SYCP1: variants seen among roughly 807,000 people sequenced by gnomAD.
SYCP1 encodes the protein cancer/testis antigen 8.
In SYCP1, 64 loss-of-function variants were observed where a neutral mutation model predicts 153.1. The observed-to-expected ratio is 0.42, with a 90% CI of 0.34 to 0.51. SYCP1 has a LOEUF of 0.51. Among genes scored for constraint, SYCP1 ranks in the 20% least tolerant of loss-of-function variants. The pLI, the probability that SYCP1 is intolerant of heterozygous loss-of-function variation, is 0.06. For synonymous variants in SYCP1, 384 were observed against 341.8 expected (o/e 1.12, Z -1.36); for missense variants, 997 against 1,049.0 (o/e 0.95, Z 0.68).
chr1:114,910,367 C>T, intron 16 of SYCP1, 30 bp from the exon 17 acceptor site: 2 of 1,464,262 alleles, frequency 1.4e-6, no homozygotes, highest in East Asian at 2.3e-5. Context: ...TATGGTTTGG[C>T]ATTCCTGATT....
At chr1:114,992,297 A>G (rs1673977221) in intron 30 of SYCP1, among the ~76,000 whole-genome samples, 2 of 151,734 alleles carry the variant, frequency 1.3e-5, no homozygotes, top group East Asian at 3.9e-4. Flanking sequence ...TGGAAAAAAT[A>G]CTCAAATTAA....
chr1:114,927,904 T>C (rs1470582523), intron 23 of SYCP1, among the ~76,000 whole-genome samples: 1 of 152,150 alleles, frequency 6.6e-6, no homozygotes. Flanking sequence ...CACCGCAGCC[T>C]CGATCTCCTG....
Position 114,926,583 on chromosome 1 carries a change from T to A in SYCP1, c.1926+20T>A, listed in dbSNP as rs1669263094. The stretch of plus-strand genomic sequence containing the variant: ...ATAAAGGTATTTGGCATCTTTATTT[T>A]TGTTTTTTAAATACTAATAGATAGA... On this transcript the variant is annotated intron_variant, in intron 23 of 31. Transcript: ENST00000369522. 6.4e-7 allele frequency: 1 copy of A among 1,574,420 alleles called. No homozygotes were observed. The highest frequency in any genetic ancestry group is 1.4e-5 in the African/African-American group (1 of 72,472).
intron 27 of SYCP1, among the ~76,000 whole-genome samples, chr1:114,961,725 T>A (rs777223644): frequency 2.0e-5 from 3 of 152,166 alleles, no homozygotes; most frequent in Admixed American, 6.5e-5. Flanking sequence ...AATTTCGATG[T>A]TCTTAATTCA....
At chr1:114,894,102 A>G (rs942747630) in intron 15 of SYCP1, among the ~76,000 whole-genome samples, 6 of 151,940 alleles carry the variant, frequency 3.9e-5, no homozygotes, top group African/African-American at 1.4e-4. Context: ...GTGAGAGAAC[A>G]TATAGAGACA....
chr1:114,904,242 G>A (rs1005680591), intron 16 of SYCP1, among the ~76,000 whole-genome samples: 6 of 151,264 alleles, frequency 4.0e-5, no homozygotes, highest in East Asian at 2.0e-4. Flanking sequence ...TCAGCCTCCC[G>A]AGTAGCTGGG....
intron 8 of SYCP1, chr1:114,862,896 T>G (rs1570651210): frequency 6.6e-6 from 1 of 152,310 alleles, no homozygotes; most frequent in Middle Eastern, 3.4e-3. Flanking sequence ...TATTCATTCA[T>G]TCAATATTTT....
rs191543853 is a variant in SYCP1, at chr1:114,908,708, C to T, written c.1321-1689C>T. 3.1e-3 allele frequency among the ~76,000 whole-genome samples: 475 copies of T among 152,080 alleles called. 1 individual carries two copies. The highest frequency in any genetic ancestry group is 9.8e-3 in the Admixed American group (150 of 15,276). ...ATTTGTTCTTATTTTCTATTTCTTT[C>T]CTTAGATTTTCTATCTTTTTATTCA... On this transcript the variant is annotated intron_variant, in intron 16 of 31. Transcript: ENST00000369522.
At chr1:114,878,013 TA>T in intron 11 of SYCP1, 80 bp from the exon 12 acceptor site, 2 of 830,286 alleles carry the variant, frequency 2.4e-6, no homozygotes, top group Non-Finnish European at 3.7e-6. Context: ...GACAAGTACA[TA>T]AAATAATTGT....
rs1674179128 is a variant in SYCP1 at position 114,994,941 on chromosome 1, G to T, written c.2853G>T (p.Met951Ile). 6.2e-7 allele frequency: 1 copy of T among 1,609,586 alleles called. No individual in the cohort carries two copies. Among genetic ancestry groups the T allele is most frequent in the Non-Finnish European group, 8.5e-7 (1 of 1,177,350 alleles). The change falls in exon 32 of 32, where the codon ATG (methionine) becomes ATT (isoleucine). Residue 951 changes from methionine to isoleucine, a missense_variant. Physicochemically the swap from Met to Ile is conservative, Grantham distance 10 (BLOSUM62 1). Coordinates refer to ENST00000369522, the MANE Select transcript of SYCP1 (RefSeq NM_003176.4). ...STLKFGAIRK[M>I]REDRWAVIAK... Reference sequence around the variant, plus strand: ...TGAAGTTTGGAGCTATAAGAAAAATGCGGGAGGACCGTTGGGCTGTAATTG... The same window carrying T: ...TGAAGTTTGGAGCTATAAGAAAAATTCGGGAGGACCGTTGGGCTGTAATTG...
chr1:114,995,007 G>A lies in SYCP1; in HGVS notation c.2919G>A (p.Lys973=). 2 of 1,598,028 alleles carry A rather than the reference G, an allele frequency of 1.3e-6. No individual in the cohort carries two copies. Among genetic ancestry groups the A allele is most frequent in the Non-Finnish European group, 1.7e-6 (2 of 1,173,592 alleles). Reference sequence around the variant, plus strand: ...AAAAAAAACTAAAAGAAGCTGAAAAGTTATTTGTTTAATTTCAGAGAATCA... The same window carrying A: ...AAAAAAAACTAAAAGAAGCTGAAAAATTATTTGTTTAATTTCAGAGAATCA... ...DRKKKLKEAE[K]LFV Residue 973 remains lysine (K), a synonymous_variant, in exon 32 of 32, where the codon AAG becomes AAA. Transcript: ENST00000369522.
At chr1:114,857,168 A>G (rs1485756922) in intron 3 of SYCP1, 64 bp from the exon 4 acceptor site, 10 of 789,488 alleles carry the variant, frequency 1.3e-5, no homozygotes, top group East Asian at 3.9e-5. Flanking sequence ...GAGAAAAAAG[A>G]AAAAAAAAAA....
intron 12 of SYCP1, among the ~76,000 whole-genome samples, chr1:114,878,424 G>A (rs1307129473): frequency 6.6e-6 from 1 of 151,900 alleles, no homozygotes. Flanking sequence ...TTTTTCAAAT[G>A]TTTCAACTAT....
intron 15 of SYCP1, among the ~76,000 whole-genome samples, chr1:114,895,097 G>A (rs1324181677): frequency 6.6e-6 from 1 of 152,086 alleles, no homozygotes; most frequent in Non-Finnish European, 1.5e-5. Flanking sequence ...CTTCTTTTAA[G>A]TTTGGAGTGA....
intron 20 of SYCP1, among the ~76,000 whole-genome samples, chr1:114,916,147 T>C (rs1397396502): frequency 6.6e-6 from 1 of 152,208 alleles, no homozygotes; most frequent in Non-Finnish European, 1.5e-5. Context: ...ATGTGGTTTT[T>C]CCATTTAATA....
chr1:114,980,882 T>C (rs1017008587), intron 28 of SYCP1, among the ~76,000 whole-genome samples: 12 of 151,866 alleles, frequency 7.9e-5, no homozygotes, highest in Non-Finnish European at 1.8e-4. Flanking sequence ...GTCACCCAGG[T>C]ATTAAACCTA....
At chr1:114,936,988 C>A (rs1670054025) in intron 23 of SYCP1, among the ~76,000 whole-genome samples, 1 of 152,118 alleles carries the variant, frequency 6.6e-6, no homozygotes. Flanking sequence ...TTTATAGGTT[C>A]AATGCCATCC....
At chr1:114,879,031 A>T (rs539028601) in intron 12 of SYCP1, among the ~76,000 whole-genome samples, 86 of 152,270 alleles carry the variant, frequency 5.6e-4, no homozygotes, top group African/African-American at 2.0e-3. Flanking sequence ...GGAAGTAGGA[A>T]TGTTAGGGTA....
intron 23 of SYCP1, among the ~76,000 whole-genome samples, chr1:114,941,234 C>CA (rs543021176): frequency 7.0e-4 from 106 of 152,158 alleles, no homozygotes; most frequent in Admixed American, 2.4e-3. Flanking sequence ...GGATGCAGTT[C>CA]AAACCCATGT....
Sources: allele counts gnomAD v4.1 joint callset (sites outside exome capture counted in the v4.1 genomes callset), GRCh38; gene constraint gnomAD v4.1.1; transcripts MANE v1.5; gene names NCBI Gene and HGNC (gene_info 2026-07-23, HGNC 2026-07-21).